The following XKR4 variants were observed in gnomAD, a reference collection of about 807,000 sequenced individuals.
XKR4 encodes XK related 4, also known as XK-related protein 4.
A neutral mutation model predicts 53.9 loss-of-function variants in XKR4; 12 were observed. The observed-to-expected ratio is 0.22, with a 90% CI of 0.14 to 0.36. The LOEUF is 0.36. XKR4 is among the 10% of genes least tolerant of loss of function. The probability of loss-of-function intolerance (pLI) is 1.00; values close to 1 mark genes in which losing one functional copy is unlikely to be tolerated. For missense variants in XKR4, 799 were observed against 859.5 expected, an observed-to-expected ratio of 0.93 and a Z score of 0.88; for synonymous variants, 354 against 362.4, an observed-to-expected ratio of 0.98 and a Z score of 0.26.
intron 1 of XKR4, among the ~76,000 whole-genome samples, chr8:55,118,005 C>T (rs1009194669): frequency 6.6e-6 from 1 of 152,068 alleles, no homozygotes; most frequent in African/African-American, 2.4e-5. Flanking sequence ...TTTTCTAGTT[C>T]TGCAGTTCTA....
chr8:55,126,592 G>A (rs553520638), intron 1 of XKR4, among the ~76,000 whole-genome samples: 1 of 152,154 alleles, frequency 6.6e-6, no homozygotes, highest in Non-Finnish European at 1.5e-5. Flanking sequence ...AATATGATGG[G>A]GAGAACAGAG....
Position 55,251,727 on chromosome 8 carries a change from C to T in XKR4, c.807-105951C>T, listed in dbSNP as rs79745651. 2.1e-3 allele frequency among the ~76,000 whole-genome samples: 326 copies of T among 152,126 alleles called. 2 individuals carry two copies. The highest frequency in any genetic ancestry group is 7.5e-3 in the African/African-American group (310 of 41,506). On this transcript the variant is annotated intron_variant, in intron 1 of 2. Coordinates refer to ENST00000327381, the MANE Select transcript of XKR4 (RefSeq NM_052898.2). ...GAACATGAAGTTGTGATTCTAATACCGTTGTCGCTTATGCCTCTTTTGAAA... is the reference window on the plus strand; with the variant it reads ...GAACATGAAGTTGTGATTCTAATACTGTTGTCGCTTATGCCTCTTTTGAAA...
intron 1 of XKR4, chr8:55,272,980 C>A: frequency 2.3e-6 from 1 of 435,080 alleles, no homozygotes; most frequent in Admixed American, 2.7e-5. Context: ...GAATTTTCAA[C>A]AAAAGTGTCT....
At chr8:55,257,131 C>T (rs1563494773) in intron 1 of XKR4, among the ~76,000 whole-genome samples, 1 of 151,982 alleles carries the variant, frequency 6.6e-6, no homozygotes, top group East Asian at 1.9e-4. Context: ...GGGGGAACAC[C>T]AACATTCAGA....
At chr8:55,412,735 C>T (rs946217148) in intron 2 of XKR4, among the ~76,000 whole-genome samples, 1 of 152,236 alleles carries the variant, frequency 6.6e-6, no homozygotes, top group Non-Finnish European at 1.5e-5. Context: ...GTGTTAAGAA[C>T]AGGAGAACAC....
At chr8:55,453,469 G>T in intron 2 of XKR4, 1 of 398,144 alleles carries the variant, frequency 2.5e-6, no homozygotes, top group Non-Finnish European at 5.0e-6. Context: ...CAAACACGTG[G>T]GAGATGCAGT....
chr8:55,419,370 A>C (rs1244898957), intron 2 of XKR4, among the ~76,000 whole-genome samples: 1 of 152,164 alleles, frequency 6.6e-6, no homozygotes, highest in Admixed American at 6.5e-5. Flanking sequence ...GGGCAACAAG[A>C]GCGAAACTCC....
At chr8:55,294,358 T>C (rs1819073446) in intron 1 of XKR4, among the ~76,000 whole-genome samples, 1 of 152,246 alleles carries the variant, frequency 6.6e-6, no homozygotes, top group African/African-American at 2.4e-5. Context: ...AAGTGTGTTT[T>C]CCTTCATGAC....
At chr8:55,324,119 A>T (rs1264016393) in intron 1 of XKR4, among the ~76,000 whole-genome samples, 1 of 152,134 alleles carries the variant, frequency 6.6e-6, no homozygotes, top group Admixed American at 6.6e-5. Context: ...TTTTTGAGAC[A>T]AGGTCTTGCT....
intron 2 of XKR4, among the ~76,000 whole-genome samples, chr8:55,410,855 T>G (rs1304333479): frequency 6.6e-6 from 1 of 152,136 alleles, no homozygotes; most frequent in East Asian, 1.9e-4. Flanking sequence ...CTACAAACTG[T>G]GTTCTAGGCT....
intron 1 of XKR4, among the ~76,000 whole-genome samples, chr8:55,343,635 G>A (rs2129382477): frequency 6.6e-6 from 1 of 152,282 alleles, no homozygotes; most frequent in South Asian, 2.1e-4. Context: ...AATGGCCCCT[G>A]CAGACTGGGC....
intron 2 of XKR4, chr8:55,454,562 C>G: frequency 2.1e-6 from 3 of 1,441,634 alleles, no homozygotes; most frequent in Non-Finnish European, 2.9e-6. Flanking sequence ...GGCAGGGAGT[C>G]GGCCAGTGGA....
intron 2 of XKR4, among the ~76,000 whole-genome samples, chr8:55,393,441 AGG>A (rs1804472216): frequency 1.3e-5 from 2 of 151,246 alleles, no homozygotes; most frequent in Non-Finnish European, 2.9e-5. Context: ...GAAGGAAGGA[AGG>A]AAGGAAGGAA....
chr8:55,449,318 C>G (rs922516133), intron 2 of XKR4, among the ~76,000 whole-genome samples: 1 of 152,154 alleles, frequency 6.6e-6, no homozygotes, highest in Non-Finnish European at 1.5e-5. Context: ...TCAGCTGTGA[C>G]GCCGAAATAA....
At chr8:55,392,141 T>G (rs60543111) in intron 2 of XKR4, among the ~76,000 whole-genome samples, 4,179 of 152,246 alleles carry the variant, frequency 0.027, 170 homozygotes, top group African/African-American at 0.095. Context: ...AAGCTTTGTG[T>G]TTTGTATGGA....
intron 2 of XKR4, among the ~76,000 whole-genome samples, chr8:55,358,366 C>G (rs952391414): frequency 2.7e-5 from 4 of 150,722 alleles, no homozygotes; most frequent in Admixed American, 2.0e-4. Flanking sequence ...GGAAATGGTA[C>G]AGATTACCCT....
Position 55,377,862 on chromosome 8 carries a change from A to C in XKR4, c.1006+19985A>C, listed in dbSNP as rs145087086. On this transcript the variant is annotated intron_variant, in intron 2 of 2. Transcript: ENST00000327381. ...AGGCACTTCTGGAAACACTAATTAG[A>C]TTTTCTTCAACCTTGTTTAATTTAG... Among the ~76,000 whole-genome samples the C allele has an allele frequency of 2.5e-3, 382 of 152,160 alleles. 1 individual carries two copies. Among genetic ancestry groups the C allele is most frequent in the African/African-American group, 7.8e-3 (322 of 41,510 alleles).
At chr8:55,338,542 A>C (rs1803498291) in intron 1 of XKR4, among the ~76,000 whole-genome samples, 1 of 152,246 alleles carries the variant, frequency 6.6e-6, no homozygotes, top group South Asian at 2.1e-4. Context: ...GGGGTGCCCC[A>C]TCACATGTTG....
Position 55,171,307 on chromosome 8 carries a change from C to T in XKR4, c.806+68013C>T, listed in dbSNP as rs114357310. Reference sequence around the variant, plus strand: ...GTGTCCTTACCATCATCTGTTACAGCGTCTGGTGGGAGACACAATGGAGAG... The same window carrying T: ...GTGTCCTTACCATCATCTGTTACAGTGTCTGGTGGGAGACACAATGGAGAG... On this transcript the variant is annotated intron_variant, in intron 1 of 2. Transcript: ENST00000327381. Among the ~76,000 whole-genome samples the T allele has an allele frequency of 6.7e-3, 1,014 of 152,250 alleles. 12 individuals carry two copies. Among genetic ancestry groups the T allele is most frequent in the African/African-American group, 0.023 (957 of 41,556 alleles).
Sources: allele counts gnomAD v4.1 joint callset (sites outside exome capture counted in the v4.1 genomes callset), GRCh38; gene constraint gnomAD v4.1.1; transcripts MANE v1.5; gene names NCBI Gene and HGNC (gene_info 2026-07-23, HGNC 2026-07-21).